Variants in DCC observed in about 807,000 individuals in gnomAD.
DCC encodes netrin receptor DCC.
Under a neutral mutation model 172.5 loss-of-function variants are expected in DCC, and 58 were observed. The observed-to-expected ratio is 0.34, with a 90% CI of 0.27 to 0.42. DCC has a LOEUF of 0.42. Among genes scored for constraint, DCC ranks in the 10% least tolerant of loss-of-function variants. The pLI is 1.00. For synonymous variants in DCC, 709 were observed against 644.5 expected, an observed-to-expected ratio of 1.10 and a Z score of -1.52; for missense variants, 1,740 against 1,791.0, an observed-to-expected ratio of 0.97 and a Z score of 0.51.
intron 1 of DCC, among the ~76,000 whole-genome samples, chr18:52,377,791 C>G (rs1484217481): frequency 6.6e-6 from 1 of 150,422 alleles, no homozygotes; most frequent in Non-Finnish European, 1.5e-5. Context: ...ACCACAGATT[C>G]TGCCTCCCGG....
At chr18:53,330,013 G>A (rs545976562) in intron 14 of DCC, among the ~76,000 whole-genome samples, 4 of 152,134 alleles carry the variant, frequency 2.6e-5, no homozygotes, top group Non-Finnish European at 4.4e-5. Flanking sequence ...AACAGAAAAT[G>A]TTTTTCTTCT....
intron 15 of DCC, among the ~76,000 whole-genome samples, chr18:53,353,069 T>G (rs1310533726): frequency 1.3e-5 from 2 of 152,124 alleles, no homozygotes; most frequent in Admixed American, 1.3e-4. Context: ...AAATAATATG[T>G]GAGTTCGAGA....
At chr18:53,442,971 T>C (rs72918203) in intron 22 of DCC, among the ~76,000 whole-genome samples, 1 of 152,212 alleles carries the variant, frequency 6.6e-6, no homozygotes, top group Non-Finnish European at 1.5e-5. Flanking sequence ...TGGCAGAAGT[T>C]GATTCATGTG....
chr18:52,871,685 G>A (rs2145384323), intron 2 of DCC, among the ~76,000 whole-genome samples: 1 of 152,158 alleles, frequency 6.6e-6, no homozygotes, highest in South Asian at 2.1e-4. Context: ...AAACTCCTGG[G>A]CTCAAGCAGT....
At chr18:52,536,918 A>ATTATTATATT (rs2032306232) in intron 1 of DCC, among the ~76,000 whole-genome samples, 9 of 152,166 alleles carry the variant, frequency 5.9e-5, no homozygotes, top group Admixed American at 5.2e-4. Flanking sequence ...CTTTCTGAGA[A>ATTATTATATT]CCAGTTTAGT....
Position 52,435,507 on chromosome 18 carries a change from C to A in DCC, c.91+94629C>A, listed in dbSNP as rs545775675. Among the ~76,000 whole-genome samples the A allele has an allele frequency of 2.0e-5, 3 of 152,308 alleles. No individual in the cohort carries two copies. The East Asian group carries it at 5.8e-4, about 29-fold the overall frequency. ...ACACGCTAATGCTCTCTAATCCCTG[C>A]AGCTTTGTCACTTTCAGGACTGCTC... On this transcript the variant is annotated intron_variant, in intron 1 of 28. Transcript: ENST00000442544.
At chr18:52,763,595 T>C (rs2037196727) in intron 2 of DCC, among the ~76,000 whole-genome samples, 1 of 152,244 alleles carries the variant, frequency 6.6e-6, no homozygotes, top group Admixed American at 6.5e-5. Flanking sequence ...TGTGAATATC[T>C]GGGATTTGTT....
intron 12 of DCC, among the ~76,000 whole-genome samples, chr18:53,279,379 C>A (rs1001803658): frequency 6.6e-6 from 1 of 151,374 alleles, no homozygotes; most frequent in Non-Finnish European, 1.5e-5. Flanking sequence ...CCATCATTCT[C>A]AGCAAACTAT....
intron 1 of DCC, among the ~76,000 whole-genome samples, chr18:52,699,699 A>T (rs568698108): frequency 6.6e-6 from 1 of 152,310 alleles, no homozygotes; most frequent in East Asian, 1.9e-4. Flanking sequence ...GCAGCAGAAA[A>T]GTTCATACCT....
chr18:52,372,760 G>A (rs1025125493), intron 1 of DCC, among the ~76,000 whole-genome samples: 12 of 152,112 alleles, frequency 7.9e-5, no homozygotes, highest in South Asian at 4.1e-4. Context: ...GTATTTTGAC[G>A]GTGCAAAACC....
intron 1 of DCC, among the ~76,000 whole-genome samples, chr18:52,385,898 A>G (rs906777933): frequency 5.9e-5 from 9 of 152,124 alleles, no homozygotes; most frequent in Non-Finnish European, 8.8e-5. Context: ...GAGCTATAAT[A>G]GCCATCTAAT....
intron 1 of DCC, among the ~76,000 whole-genome samples, chr18:52,738,725 T>TTTTC (rs1169616370): frequency 2.0e-5 from 3 of 151,568 alleles, no homozygotes; most frequent in East Asian, 3.9e-4. Flanking sequence ...AAACCTTTAA[T>TTTTC]TTTCTTTCTT....
chr18:52,895,548 G>T (rs2039716118), intron 2 of DCC, among the ~76,000 whole-genome samples: 1 of 151,714 alleles, frequency 6.6e-6, no homozygotes, highest in Non-Finnish European at 1.5e-5. Flanking sequence ...GCTTGTTTTA[G>T]AAAAAAATGA....
In DCC at chr18:53,526,563, G is replaced by C. The variant is rs1362577745; in HGVS notation, c.4112-54G>C. On this transcript the variant is annotated intron_variant, in intron 27 of 28. Transcript: ENST00000442544. ...GGATATGGTGTATATACTTGAGAAA[G>C]TGTTCTGCAGAATGTTTTCTACATT... 3.6e-5 allele frequency: 57 copies of C among 1,575,200 alleles called. No homozygotes were observed. The East Asian group carries it at 1.3e-3, about 35-fold the overall frequency.
intron 16 of DCC, among the ~76,000 whole-genome samples, chr18:53,389,981 G>T (rs1426405525): frequency 6.6e-6 from 1 of 152,166 alleles, no homozygotes; most frequent in African/African-American, 2.4e-5. Flanking sequence ...CGTCCCATAT[G>T]TGTATCACGT....
At chr18:53,264,093 A>T (rs2056638274) in intron 12 of DCC, among the ~76,000 whole-genome samples, 1 of 152,160 alleles carries the variant, frequency 6.6e-6, no homozygotes, top group Non-Finnish European at 1.5e-5. Flanking sequence ...AAACATTCTG[A>T]GTCTAATGGT....
At chr18:52,826,788 T>G (rs2038518166) in intron 2 of DCC, among the ~76,000 whole-genome samples, 2 of 152,096 alleles carry the variant, frequency 1.3e-5, no homozygotes, top group African/African-American at 4.8e-5. Context: ...CAAAAATATG[T>G]TTATCATTTT....
chr18:52,774,213 A>G (rs1043147226), intron 2 of DCC, among the ~76,000 whole-genome samples: 7 of 152,328 alleles, frequency 4.6e-5, no homozygotes, highest in South Asian at 4.1e-4. Flanking sequence ...ATCAAAGATG[A>G]TGGTGGTGGA....
chr18:53,159,855 A>T (rs1006379258), intron 8 of DCC, among the ~76,000 whole-genome samples: 1 of 152,208 alleles, frequency 6.6e-6, no homozygotes, highest in Non-Finnish European at 1.5e-5. Context: ...AGGAAGATAA[A>T]TTCTACCTGT....
Sources: allele counts gnomAD v4.1 joint callset (sites outside exome capture counted in the v4.1 genomes callset), GRCh38; gene constraint gnomAD v4.1.1; transcripts MANE v1.5; gene names NCBI Gene and HGNC (gene_info 2026-07-23, HGNC 2026-07-21).